The following FBXO45 variants were observed in gnomAD, a reference collection of about 807,000 sequenced individuals.
FBXO45 encodes the protein F-box/SPRY domain-containing protein 1.
Under a neutral mutation model 25.5 loss-of-function variants are expected in FBXO45, and 3 were observed. That is an observed-to-expected ratio of 0.12 (90% CI 0.05 to 0.30). The LOEUF (loss-of-function observed/expected upper bound fraction) is 0.30, where lower values mean the gene tolerates loss of function less well. FBXO45 is among the 10% of genes least tolerant of loss of function. FBXO45 has a pLI of 1.00. For missense variants in FBXO45, 219 were observed against 365.0 expected (o/e 0.60, Z 3.26); for synonymous variants, 155 against 149.8 (o/e 1.03, Z -0.25).
chr3:196,579,540 A>G (rs920577962), intron 2 of FBXO45, among the ~76,000 whole-genome samples: 1 of 152,186 alleles, frequency 6.6e-6, no homozygotes, highest in Non-Finnish European at 1.5e-5. Context: ...TTTTAAATTT[A>G]TTGAGATTTG....
In FBXO45 at chr3:196,589,004, A is replaced by G. The variant is rs1244713232; in HGVS notation, c.*4686A>G. 5.3e-5 allele frequency: 8 copies of G among 152,282 alleles called. No individual in the cohort carries two copies. The South Asian group carries it at 1.7e-3, about 32-fold the overall frequency. The allele number at this position is 152,282 out of a possible 1,614,324, so 9.4% of individuals were successfully genotyped here. A position where few individuals can be genotyped will look rare whatever the true frequency, so the allele number is the denominator to read the frequency against. The stretch of plus-strand genomic sequence containing the variant: ...ATTTAAATTAGAATTCTGTATCTTT[A>G]TTTTTTGGAATTCTGTTGTTTTGCC... On this transcript the variant is annotated 3_prime_UTR_variant, in exon 3 of 3. Coordinates refer to ENST00000311630, the MANE Select transcript of FBXO45 (RefSeq NM_001105573.2).
rs542783277 is a variant in FBXO45, at chr3:196,586,572, T to C, written c.*2254T>C. On this transcript the variant is annotated 3_prime_UTR_variant, in exon 3 of 3. Coordinates refer to ENST00000311630, the MANE Select transcript of FBXO45 (RefSeq NM_001105573.2). ...AAAACCCAGTAGTAGCTCTACAAAA[T>C]CTTAAACTGCTGCAGTGCTCAAGGA... 6.6e-6 allele frequency: 1 copy of C among 152,304 alleles called. No homozygotes were observed. The allele number at this position is 152,304 out of a possible 1,614,324, so 9.4% of individuals were successfully genotyped here.
chr3:196,570,819 C>T (rs948086067), intron 1 of FBXO45, among the ~76,000 whole-genome samples: 1 of 149,480 alleles, frequency 6.7e-6, no homozygotes, highest in East Asian at 2.0e-4. Context: ...TCACGCCATT[C>T]TCCTGCCTCA....
At chr3:196,570,988 G>A (rs1341724902) in intron 1 of FBXO45, among the ~76,000 whole-genome samples, 1 of 152,306 alleles carries the variant, frequency 6.6e-6, no homozygotes, top group East Asian at 1.9e-4. Flanking sequence ...GGGATTACAG[G>A]CGTGAGCTCA....
intron 1 of FBXO45, among the ~76,000 whole-genome samples, chr3:196,572,720 A>C (rs1288303627): frequency 1.3e-5 from 2 of 152,222 alleles, no homozygotes; most frequent in African/African-American, 4.8e-5. Context: ...TGACTTTAGT[A>C]TGGAGAACTA....
At chr3:196,583,097 T>G (rs2108729372) in intron 2 of FBXO45, among the ~76,000 whole-genome samples, 1 of 152,344 alleles carries the variant, frequency 6.6e-6, no homozygotes, top group South Asian at 2.1e-4. Flanking sequence ...TTTATATAGG[T>G]GGAATCATAC....
Position 196,569,172 on chromosome 3 carries a change from G to C in FBXO45, c.188G>C (p.Cys63Ser). 2 of 1,556,314 alleles carry C rather than the reference G, an allele frequency of 1.3e-6. No individual in the cohort carries two copies. The highest frequency in any genetic ancestry group is 1.7e-6 in the Non-Finnish European group (2 of 1,150,282). ...GAGCTGCGGAGCTGCGCCCTGGTGTGCAAGCACTGGTACCGCTGCCTGCAC... is the reference window on the plus strand; with the variant it reads ...GAGCTGCGGAGCTGCGCCCTGGTGTCCAAGCACTGGTACCGCTGCCTGCAC... ...LSELRSCALV[C>S]KHWYRCLHGD... Residue 63 changes from cysteine (C) to serine (S), a missense_variant, in exon 1 of 3, where the codon TGC (cysteine) becomes TCC (serine). This residue lies in a region of FBXO45 where 138 missense variants were observed against 157.3 expected (regional missense o/e 0.88). Coordinates refer to ENST00000311630, the MANE Select transcript of FBXO45 (RefSeq NM_001105573.2). The surrounding 1 kb of genome is among the most constrained non-coding windows in gnomAD (Gnocchi z 4.1).
At chr3:196,579,784 A>G (rs1233493458) in intron 2 of FBXO45, among the ~76,000 whole-genome samples, 1 of 152,078 alleles carries the variant, frequency 6.6e-6, no homozygotes, top group Non-Finnish European at 1.5e-5. Context: ...TAGTTCTCTC[A>G]GTGTTTGCTT....
chr3:196,584,041 T>C lies in FBXO45; in HGVS notation c.676-92T>C. 8.3e-7 allele frequency: 1 copy of C among 1,200,450 alleles called. No homozygotes were observed. The highest frequency in any genetic ancestry group is 2.4e-5 in the East Asian group (1 of 42,088). The allele number at this position is 1,200,450 out of a possible 1,614,324, so 74.4% of individuals were successfully genotyped here. Reference sequence around the variant, plus strand: ...TTCTAGATAGCTTTCAGGATAATATTCTTAATATTTTCAACTTCTTGATTT... The same window carrying C: ...TTCTAGATAGCTTTCAGGATAATATCCTTAATATTTTCAACTTCTTGATTT... On this transcript the variant is annotated intron_variant, in intron 2 of 2. Transcript: ENST00000311630. This position sits in a 1 kb window ranked among gnomAD's most constrained non-coding sequence, Gnocchi z 4.3.
At chr3:196,575,272 A>C (rs1258247498) in intron 1 of FBXO45, among the ~76,000 whole-genome samples, 16 of 152,244 alleles carry the variant, frequency 1.1e-4, no homozygotes, top group African/African-American at 3.8e-4. Flanking sequence ...CCTGGCCAAC[A>C]TGGTGAAACC....
intron 1 of FBXO45, among the ~76,000 whole-genome samples, chr3:196,570,712 C>CTTT (rs71161937): frequency 2.6e-4 from 26 of 99,864 alleles, no homozygotes; most frequent in African/African-American, 6.7e-4. Context: ...TTTCTTTTTT[C>CTTT]TTTTTTTTTT....
intron 2 of FBXO45, 89 bp downstream of exon 2, chr3:196,577,898 T>A: frequency 2.8e-6 from 2 of 724,658 alleles, no homozygotes; most frequent in South Asian, 4.9e-5. Flanking sequence ...TATAGCAGTT[T>A]TTGTCTTTTT....
At chr3:196,581,807 T>G (rs1329345021) in intron 2 of FBXO45, among the ~76,000 whole-genome samples, 2 of 152,220 alleles carry the variant, frequency 1.3e-5, no homozygotes, top group African/African-American at 4.8e-5. Flanking sequence ...AATGTTTTGT[T>G]TCTAGAAACT....
At position 196,588,463 on chromosome 3, in the gene FBXO45, C is replaced by T. The variant is rs772266968; in HGVS notation, c.*4145C>T. On this transcript the variant is annotated 3_prime_UTR_variant, in exon 3 of 3. Coordinates refer to ENST00000311630, the MANE Select transcript of FBXO45 (RefSeq NM_001105573.2). The surrounding 1 kb of genome is among the most constrained non-coding windows in gnomAD (Gnocchi z 4.2). ...GGACTGTGGTAGATAATCAGGACCA[C>T]TTGGAAGCCTTTATTAGGAACAGCC... 1.3e-5 allele frequency: 2 copies of T among 152,212 alleles called. No individual in the cohort carries two copies. The highest frequency in any genetic ancestry group is 2.9e-5 in the Non-Finnish European group (2 of 68,042). The allele number at this position is 152,212 out of a possible 1,614,324, so 9.4% of individuals were successfully genotyped here.
At chr3:196,583,246 G>A (rs6798996) in intron 2 of FBXO45, among the ~76,000 whole-genome samples, 35,652 of 152,102 alleles carry the variant, frequency 0.23, 4,380 homozygotes, top group South Asian at 0.32. Flanking sequence ...GATGGCTCAT[G>A]CCTGTAATCC....
At chr3:196,575,239 T>A (rs764569807) in intron 1 of FBXO45, among the ~76,000 whole-genome samples, 16 of 152,130 alleles carry the variant, frequency 1.1e-4, no homozygotes, top group Admixed American at 3.3e-4. Flanking sequence ...GCGGATCACC[T>A]GAGGTCAGGA....
In FBXO45 at chr3:196,569,116, G is replaced by A. The variant is rs751743926; in HGVS notation, c.132G>A (p.Leu44=). 49 of 1,533,110 alleles carry A rather than the reference G, an allele frequency of 3.2e-5. No individual in the cohort carries two copies. Among genetic ancestry groups the A allele is most frequent in the Non-Finnish European group, 1.8e-6 (2 of 1,136,168 alleles). The allele number at this position is 1,533,110 out of a possible 1,614,324, so 95.0% of individuals were successfully genotyped here. ...GAGGRLPSRV[L]ELVFSYLELS... ...GGGGCCGGCTGCCCAGCCGGGTGCTGGAGTTGGTGTTCTCTTACCTGGAGC... is the reference window on the plus strand; with the variant it reads ...GGGGCCGGCTGCCCAGCCGGGTGCTAGAGTTGGTGTTCTCTTACCTGGAGC... The change falls in exon 1 of 3, where the codon CTG becomes CTA. Residue 44 remains leucine (L), a synonymous_variant. Coordinates refer to ENST00000311630, the MANE Select transcript of FBXO45 (RefSeq NM_001105573.2). The surrounding 1 kb of genome is among the most constrained non-coding windows in gnomAD (Gnocchi z 4.1).
chr3:196,578,826 A>C (rs1174939262), intron 2 of FBXO45, among the ~76,000 whole-genome samples: 1 of 152,034 alleles, frequency 6.6e-6, no homozygotes, highest in Non-Finnish European at 1.5e-5. Context: ...CTGATTAGCT[A>C]TCTTTAGTGT....
intron 1 of FBXO45, among the ~76,000 whole-genome samples, chr3:196,572,520 T>C (rs1255163678): frequency 6.6e-6 from 1 of 152,094 alleles, no homozygotes; most frequent in Non-Finnish European, 1.5e-5. Context: ...GGGAACCTTA[T>C]GAGTGTGAGG....
Sources: gnomAD v4.1 joint callset for allele counts (sites outside exome capture counted in the v4.1 genomes callset) on GRCh38, gnomAD v4.1.1 for gene constraint, gnomAD v4.1.1 regional missense constraint, Gnocchi (gnomAD v3.1) non-coding constraint, MANE v1.5 for transcripts, NCBI Gene and HGNC (gene_info 2026-07-23, HGNC 2026-07-21) for gene names.